RMDN1: variants seen among roughly 807,000 people sequenced by gnomAD.
The protein encoded by RMDN1 is regulator of microtubule dynamics 1, also known as regulator of microtubule dynamics protein 1.
In RMDN1, 48 loss-of-function variants were observed where a neutral mutation model predicts 48.9. The ratio of observed to expected loss-of-function variants is 0.98; its 90% CI spans 0.78 to 1.25. The LOEUF is 1.25. Among genes scored for constraint, RMDN1 ranks in the 50% most tolerant of loss-of-function variants. The pLI is 0.00. For missense variants in RMDN1, 418 were observed against 373.4 expected (o/e 1.12, Z -0.98); for synonymous variants, 148 against 132.6 (o/e 1.12, Z -0.80).
At position 86,500,670 on chromosome 8, in the gene RMDN1, G is replaced by A. The variant is rs573936947; in HGVS notation, c.247+6325C>T. ...AAAACTTAAAATAGAACCACTACTTGATCCACCAATCCCACTACTGAGAAT... is the reference window on the plus strand; with the variant it reads ...AAAACTTAAAATAGAACCACTACTTAATCCACCAATCCCACTACTGAGAAT... On this transcript the variant is annotated intron_variant, in intron 2 of 9. Coordinates refer to ENST00000406452, the MANE Select transcript of RMDN1 (RefSeq NM_016033.3). Among the ~76,000 whole-genome samples the A allele has an allele frequency of 2.0e-5, 3 of 152,050 alleles. No homozygotes were observed. In the South Asian group the frequency reaches 6.2e-4, roughly 32 times the overall value.
intron 2 of RMDN1, among the ~76,000 whole-genome samples, chr8:86,503,394 A>ACAAAAAAAAAC (rs368931753): frequency 7.6e-6 from 1 of 131,510 alleles, no homozygotes; most frequent in Non-Finnish European, 1.6e-5. Context: ...AAAAAACAAA[A>ACAAAAAAAAAC]AAAAATAACA....
rs953823564 is a variant in RMDN1 at position 86,504,680 on chromosome 8, C to G, written c.247+2315G>C. ...ATAATGGGATGAGCTTTGTCTTTAT[C>G]GGGGCTATCTTGGTCTTTGTGGCCT... On this transcript the variant is annotated intron_variant, in intron 2 of 9. Transcript: ENST00000406452. 6.9e-6 allele frequency: 6 copies of G among 875,460 alleles called. No individual in the cohort carries two copies. The African/African-American group carries it at 9.9e-5, about 14-fold the overall frequency. 54.2% of individuals were successfully genotyped at this position (875,460 alleles called of 1,614,324 possible).
chr8:86,512,471 G>A (rs1366268821), upstream of RMDN1, among the ~76,000 whole-genome samples: 1 of 152,108 alleles, frequency 6.6e-6, no homozygotes, highest in Non-Finnish European at 1.5e-5. Flanking sequence ...CCAGATATTT[G>A]CATAACTGGC....
intron 2 of RMDN1, among the ~76,000 whole-genome samples, chr8:86,495,678 G>T (rs1817222994): frequency 6.6e-6 from 1 of 152,050 alleles, no homozygotes; most frequent in Non-Finnish European, 1.5e-5. Context: ...CTTGCCAGTG[G>T]CCCCCACCTT....
At chr8:86,480,433 CTGTG>C (rs761902766) in intron 5 of RMDN1, 101 bp from the exon 6 acceptor site, 2 of 579,754 alleles carry the variant, frequency 3.4e-6, no homozygotes, top group South Asian at 2.8e-5. Flanking sequence ...AAAAATGCAA[CTGTG>C]TGTTTCAGTT....
chr8:86,512,801 C>CGGTGG (rs1820115046), upstream of RMDN1, among the ~76,000 whole-genome samples: 1 of 152,164 alleles, frequency 6.6e-6, no homozygotes, highest in Admixed American at 6.5e-5. Context: ...AGGCCAGGCA[C>CGGTGG]GGTGGCTCAC....
intron 8 of RMDN1, among the ~76,000 whole-genome samples, chr8:86,476,174 C>G (rs1022760635): frequency 2.0e-5 from 3 of 152,086 alleles, no homozygotes; most frequent in Non-Finnish European, 4.4e-5. Context: ...CACCCCCAAC[C>G]CTTAAGTCTC....
At chr8:86,483,322 T>C (rs1405722513) in intron 5 of RMDN1, among the ~76,000 whole-genome samples, 1 of 152,222 alleles carries the variant, frequency 6.6e-6, no homozygotes, top group Non-Finnish European at 1.5e-5. Context: ...GTGTATTTTC[T>C]ACAGTTCTTC....
chr8:86,470,440 C>T, downstream of RMDN1: 1 of 1,253,846 alleles, frequency 8.0e-7, no homozygotes, highest in Non-Finnish European at 1.0e-6. Context: ...AGACTTAGTG[C>T]ACAGAATCAG....
chr8:86,468,943 C>G (rs541797574), downstream of RMDN1, among the ~76,000 whole-genome samples: 10 of 152,152 alleles, frequency 6.6e-5, no homozygotes, highest in African/African-American at 2.4e-4. Flanking sequence ...TCTCTGTGCC[C>G]AAAACACAGT....
At chr8:86,493,551 T>C (rs894905908) in intron 2 of RMDN1, among the ~76,000 whole-genome samples, 3 of 142,868 alleles carry the variant, frequency 2.1e-5, no homozygotes, top group Non-Finnish European at 3.1e-5. Context: ...GGATGAACAT[T>C]ATATGAAGTG....
chr8:86,481,947 T>C (rs1456857734), intron 5 of RMDN1: 6 of 840,484 alleles, frequency 7.1e-6, no homozygotes, highest in African/African-American at 1.7e-5. Flanking sequence ...TAGTATTTGC[T>C]TGTCATCTTG....
downstream of RMDN1, chr8:86,472,233 C>A: frequency 5.1e-6 from 3 of 593,144 alleles, no homozygotes; most frequent in Non-Finnish European, 9.0e-6. Context: ...ATCCCTATTT[C>A]CAAAAATCTG....
At chr8:86,488,922 A>T (rs948023669) in intron 2 of RMDN1, among the ~76,000 whole-genome samples, 2 of 152,214 alleles carry the variant, frequency 1.3e-5, no homozygotes, top group Non-Finnish European at 2.9e-5. Flanking sequence ...AATAAATATA[A>T]CACTAACGAT....
At chr8:86,503,637 CT>C in intron 2 of RMDN1, 1 of 496,764 alleles carries the variant, frequency 2.0e-6, no homozygotes, top group Non-Finnish European at 4.1e-6. Flanking sequence ...ACAATTGGCT[CT>C]TTCCAAGTTG....
At chr8:86,508,256 C>A in intron 1 of RMDN1, 1 of 455,888 alleles carries the variant, frequency 2.2e-6, no homozygotes, top group South Asian at 4.2e-5. Context: ...TAGCAGGCAG[C>A]TTCTGGGGCG....
At chr8:86,481,360 T>A (rs922458091) in intron 5 of RMDN1, among the ~76,000 whole-genome samples, 5 of 152,142 alleles carry the variant, frequency 3.3e-5, no homozygotes, top group African/African-American at 1.2e-4. Flanking sequence ...CATGTTTATA[T>A]GCAACTTATG....
chr8:86,477,554 G>A (rs1408780634), intron 7 of RMDN1: 2 of 393,194 alleles, frequency 5.1e-6, no homozygotes, highest in African/African-American at 4.1e-5. Flanking sequence ...CTTGGTTGCT[G>A]TTTAGAACTT....
chr8:86,489,583 G>A (rs988738105), intron 2 of RMDN1, among the ~76,000 whole-genome samples: 1 of 152,078 alleles, frequency 6.6e-6, no homozygotes, highest in Non-Finnish European at 1.5e-5. Context: ...TGTAATCCTA[G>A]CACTTTGGGA....
Sources: allele counts gnomAD v4.1 joint callset (sites outside exome capture counted in the v4.1 genomes callset), GRCh38; gene constraint gnomAD v4.1.1; transcripts MANE v1.5; gene names NCBI Gene and HGNC (gene_info 2026-07-23, HGNC 2026-07-21).